EHMT1: variants seen among roughly 807,000 people sequenced by gnomAD.
EHMT1 encodes histone-lysine N-methyltransferase EHMT1.
A neutral mutation model predicts 147.2 loss-of-function variants in EHMT1; 15 were observed. The observed-to-expected ratio is 0.10, with a 90% confidence interval of 0.07 to 0.16. The LOEUF (loss-of-function observed/expected upper bound fraction) is 0.16, where lower values mean the gene tolerates loss of function less well. EHMT1 is among the 10% of genes least tolerant of loss of function. EHMT1 has a pLI of 1.00. For synonymous variants in EHMT1, 795 were observed against 709.6 expected (o/e 1.12, Z -1.91); for missense variants, 1,587 against 1,772.4 (o/e 0.90, Z 1.88).
At chr9:137,823,169 G>A (rs1390484164) in intron 25 of EHMT1, among the ~76,000 whole-genome samples, 1 of 150,362 alleles carries the variant, frequency 6.7e-6, no homozygotes, top group African/African-American at 2.5e-5. Context: ...CGCAGTCTCG[G>A]CTCACTGCAA....
intron 10 of EHMT1, chr9:137,764,904 T>G (rs1448332560): frequency 6.6e-6 from 1 of 152,240 alleles, no homozygotes; most frequent in Non-Finnish European, 1.5e-5. Context: ...CTTTCTTGTG[T>G]TGTTTAAGTC....
chr9:137,718,197 G>T (rs905511802), intron 3 of EHMT1, among the ~76,000 whole-genome samples: 2 of 151,386 alleles, frequency 1.3e-5, no homozygotes, highest in Non-Finnish European at 2.9e-5. Context: ...CCCCTCACGC[G>T]CACCGTGCTG....
rs1276527376 is a variant in EHMT1, at chr9:137,813,840, G to C, written c.3180+310G>C. 6.6e-6 allele frequency among the ~76,000 whole-genome samples: 1 copy of C among 152,136 alleles called. No individual in the cohort carries two copies. The highest frequency in any genetic ancestry group is 2.4e-5 in the African/African-American group (1 of 41,440). On this transcript the variant is annotated intron_variant, in intron 21 of 26. Transcript: ENST00000460843. The surrounding 1 kb of genome is among the most constrained non-coding windows in gnomAD (Gnocchi z 4.9). Reference sequence around the variant, plus strand: ...GGGGCCCCGGTGTGGCTTCGTGCTGGGGGCACAGGCGAGAGGAGCCCTTGC... The same window carrying C: ...GGGGCCCCGGTGTGGCTTCGTGCTGCGGGCACAGGCGAGAGGAGCCCTTGC...
rs982267011 is a variant in EHMT1, at chr9:137,732,362, C to T, written c.823+3833C>T. The stretch of plus-strand genomic sequence containing the variant: ...TTTGCACCCGCTGTTGCGTGGGTCC[C>T]GAGTTCTTGTCTTGGGTCCAGGAAG... On this transcript the variant is annotated intron_variant, in intron 4 of 26. Transcript: ENST00000460843. This position sits in a 1 kb window ranked among gnomAD's most constrained non-coding sequence, Gnocchi z 4.6. 6.6e-6 allele frequency among the ~76,000 whole-genome samples: 1 copy of T among 152,202 alleles called. No individual in the cohort carries two copies. Among genetic ancestry groups the T allele is most frequent in the African/African-American group, 2.4e-5 (1 of 41,456 alleles).
intron 13 of EHMT1, 70 bp downstream of exon 13, chr9:137,778,125 A>G (rs1047972867): frequency 3.8e-6 from 6 of 1,587,252 alleles, no homozygotes; most frequent in East Asian, 2.2e-5. Flanking sequence ...GTTTTTCCCC[A>G]TGGTGTCACT....
intron 2 of EHMT1, chr9:137,715,523 A>G (rs745981706): frequency 1.2e-5 from 12 of 984,784 alleles, no homozygotes; most frequent in Non-Finnish European, 1.4e-5. Flanking sequence ...AGCACCAGGA[A>G]GAACAGAGCC....
chr9:137,654,962 C>G (rs1938276820), intron 1 of EHMT1, among the ~76,000 whole-genome samples: 1 of 150,636 alleles, frequency 6.6e-6, no homozygotes, highest in South Asian at 2.1e-4. Flanking sequence ...GGGACTGCAG[C>G]AGGAAGGTAC....
At chr9:137,705,360 G>C (rs1433165533) in intron 1 of EHMT1, among the ~76,000 whole-genome samples, 2 of 152,198 alleles carry the variant, frequency 1.3e-5, no homozygotes, top group African/African-American at 2.4e-5. Flanking sequence ...AGTTTGGGCA[G>C]ATGTACTGAG....
At chr9:137,646,465 G>C (rs546017945) in intron 1 of EHMT1, 1 of 980,732 alleles carries the variant, frequency 1.0e-6, no homozygotes, top group Non-Finnish European at 1.2e-6. Context: ...GGAGCCCCGA[G>C]GAGTGCTCCC....
At chr9:137,760,676 A>G (rs1949732893) in intron 9 of EHMT1, among the ~76,000 whole-genome samples, 1 of 152,180 alleles carries the variant, frequency 6.6e-6, no homozygotes, top group Non-Finnish European at 1.5e-5. Context: ...CTAGAGACAG[A>G]CAGAAGCGGC....
At chr9:137,706,610 C>T (rs541618683) in intron 1 of EHMT1, among the ~76,000 whole-genome samples, 60 of 152,240 alleles carry the variant, frequency 3.9e-4, no homozygotes, top group Non-Finnish European at 8.1e-4. Context: ...CCTCAGCCTC[C>T]TGAGTAGCTG....
At chr9:137,705,747 T>G (rs994624229) in intron 1 of EHMT1, among the ~76,000 whole-genome samples, 2 of 152,078 alleles carry the variant, frequency 1.3e-5, no homozygotes, top group Admixed American at 1.3e-4. Flanking sequence ...AGGTTTGGAG[T>G]AGGCACTGCA....
chr9:137,626,233 T>C (rs979733554), intron 1 of EHMT1, among the ~76,000 whole-genome samples: 4 of 152,082 alleles, frequency 2.6e-5, no homozygotes, highest in Non-Finnish European at 5.9e-5. Flanking sequence ...TCTTGTTTTA[T>C]ATATATAGTA....
intron 18 of EHMT1, among the ~76,000 whole-genome samples, chr9:137,804,492 C>T (rs1208204415): frequency 9.9e-5 from 15 of 152,210 alleles, no homozygotes; most frequent in African/African-American, 3.4e-4. Context: ...TTTAAGAGTT[C>T]ATGTTCTGGA....
rs988486208 is a variant in EHMT1 at position 137,834,040 on chromosome 9, G to C, written c.3541-309G>C. 2.6e-5 allele frequency: 12 copies of C among 466,248 alleles called. No homozygotes were observed. The South Asian group carries it at 2.6e-4, about 10-fold the overall frequency. The allele number at this position is 466,248 out of a possible 1,614,324, so 28.9% of individuals were successfully genotyped here. On this transcript the variant is annotated intron_variant, in intron 25 of 26. Coordinates refer to ENST00000460843, the MANE Select transcript of EHMT1 (RefSeq NM_024757.5). ...CCCATGGGTCCTCGGGTGGGATGGC[G>C]CTGTCCACATTCCACCGCGCTGGAA...
chr9:137,764,889 C>G (rs1305716400), intron 10 of EHMT1: 1 of 152,168 alleles, frequency 6.6e-6, no homozygotes, highest in Non-Finnish European at 1.5e-5. Flanking sequence ...GGACTTAGCT[C>G]ATAACTTTCT....
intron 2 of EHMT1, among the ~76,000 whole-genome samples, chr9:137,711,485 C>T (rs965585388): frequency 7.9e-5 from 12 of 152,022 alleles, no homozygotes; most frequent in African/African-American, 2.2e-4. Context: ...AGCTTTTGTA[C>T]GGTTTGTTAA....
intron 1 of EHMT1, among the ~76,000 whole-genome samples, chr9:137,632,076 A>T (rs1843668303): frequency 6.6e-6 from 1 of 152,102 alleles, no homozygotes; most frequent in Non-Finnish European, 1.5e-5. Flanking sequence ...CACAGCCTAG[A>T]TGTGTAATAG....
At chr9:137,665,745 T>C (rs1939571519) in intron 1 of EHMT1, among the ~76,000 whole-genome samples, 1 of 152,220 alleles carries the variant, frequency 6.6e-6, no homozygotes, top group South Asian at 2.1e-4. Flanking sequence ...GTGAAAACAA[T>C]AAATGTCTCG....
Sources: gnomAD v4.1 joint callset for allele counts (sites outside exome capture counted in the v4.1 genomes callset) on GRCh38, gnomAD v4.1.1 for gene constraint, Gnocchi (gnomAD v3.1) non-coding constraint, MANE v1.5 for transcripts, NCBI Gene and HGNC (gene_info 2026-07-23, HGNC 2026-07-21) for gene names.